Variants in MSI2 observed in about 807,000 individuals in gnomAD.
MSI2 encodes the protein musashi RNA binding protein 2.
MSI2 carries 17 observed loss-of-function variants against 45.6 expected under a neutral mutation model. The observed-to-expected ratio is 0.37, with a 90% CI of 0.26 to 0.56. The LOEUF (loss-of-function observed/expected upper bound fraction) is 0.56. Ranked by LOEUF, MSI2 falls within the 20% of genes least tolerant of loss-of-function variation. MSI2 has a pLI of 0.77. For missense variants in MSI2, 293 were observed against 444.2 expected (o/e 0.66, Z 3.06); for synonymous variants, 156 against 158.2 (o/e 0.99, Z 0.11).
chr17:57,668,550 G>C (rs547530860), intron 11 of MSI2, among the ~76,000 whole-genome samples: 1 of 152,078 alleles, frequency 6.6e-6, no homozygotes, highest in African/African-American at 2.4e-5. Flanking sequence ...TAAGACTGGC[G>C]CCATTGTCAC....
At chr17:57,656,235 C>T (rs1290982046) in intron 11 of MSI2, among the ~76,000 whole-genome samples, 4 of 152,220 alleles carry the variant, frequency 2.6e-5, no homozygotes, top group African/African-American at 9.7e-5. Context: ...TCCCCCAGTC[C>T]AGAACTGGGT....
chr17:57,576,753 T>C (rs1367333458), intron 7 of MSI2, among the ~76,000 whole-genome samples: 1 of 128,716 alleles, frequency 7.8e-6, no homozygotes, highest in Non-Finnish European at 1.6e-5. Flanking sequence ...AATCTGTCTT[T>C]AAAAAAAAAA....
Position 57,464,443 on chromosome 17 carries a change from C to T in MSI2, c.405+62972C>T, listed in dbSNP as rs145673367. Among the ~76,000 whole-genome samples the T allele has an allele frequency of 5.9e-3, 892 of 152,014 alleles. 10 individuals carry two copies. Among genetic ancestry groups the T allele is most frequent in the African/African-American group, 0.021 (851 of 41,472 alleles). ...TGGGCAACGGAGCAAGACCCTATTT[C>T]AAAAAACAAAAAGGAAAAGCAGAGG... On this transcript the variant is annotated intron_variant, in intron 6 of 13. Transcript: ENST00000284073.
intron 6 of MSI2, among the ~76,000 whole-genome samples, chr17:57,471,080 T>A (rs2085426391): frequency 6.6e-6 from 1 of 152,106 alleles, no homozygotes; most frequent in Non-Finnish European, 1.5e-5. Flanking sequence ...GGGGACCCCA[T>A]GTGGCATGTA....
intron 6 of MSI2, among the ~76,000 whole-genome samples, chr17:57,481,909 T>C (rs958207609): frequency 6.6e-6 from 1 of 152,218 alleles, no homozygotes; most frequent in African/African-American, 2.4e-5. Flanking sequence ...GAACTATAAA[T>C]TGCAAGACAG....
intron 5 of MSI2, among the ~76,000 whole-genome samples, chr17:57,400,400 C>A (rs1797497908): frequency 6.6e-6 from 1 of 152,180 alleles, no homozygotes; most frequent in South Asian, 2.1e-4. Context: ...ACTCCTTTGG[C>A]TTTGGAGCTG....
chr17:57,521,391 C>T (rs2086581098), intron 6 of MSI2, among the ~76,000 whole-genome samples: 5 of 150,804 alleles, frequency 3.3e-5, no homozygotes, highest in Admixed American at 2.0e-4. Flanking sequence ...AGTAATAATA[C>T]CTGTGAAAAT....
chr17:57,457,973 T>C (rs1258888206), intron 6 of MSI2, among the ~76,000 whole-genome samples: 1 of 151,982 alleles, frequency 6.6e-6, no homozygotes, highest in Non-Finnish European at 1.5e-5. Context: ...ACTCAATAAA[T>C]TGAAGTCAGA....
At chr17:57,461,601 T>C (rs1598296891) in intron 6 of MSI2, among the ~76,000 whole-genome samples, 1 of 151,290 alleles carries the variant, frequency 6.6e-6, no homozygotes, top group African/African-American at 2.4e-5. Flanking sequence ...AGTGGAGCGA[T>C]CTCAGCTGAC....
At chr17:57,518,912 CT>C (rs922165965) in intron 6 of MSI2, among the ~76,000 whole-genome samples, 3 of 152,254 alleles carry the variant, frequency 2.0e-5, no homozygotes, top group African/African-American at 7.2e-5. Context: ...GATCCAACTG[CT>C]GCTCCTCAAA....
intron 6 of MSI2, among the ~76,000 whole-genome samples, chr17:57,452,823 G>A (rs16958427): frequency 0.018 from 2,775 of 151,996 alleles, 81 homozygotes; most frequent in African/African-American, 0.063. Context: ...CATCACCCTC[G>A]TCTTACAGGT....
At chr17:57,292,671 C>A (rs1910524515) in intron 5 of MSI2, among the ~76,000 whole-genome samples, 1 of 152,164 alleles carries the variant, frequency 6.6e-6, no homozygotes, top group South Asian at 2.1e-4. Flanking sequence ...GGCCTGGAAA[C>A]CTTGGTCTCA....
chr17:57,532,540 A>T (rs2086842769), intron 7 of MSI2, among the ~76,000 whole-genome samples: 1 of 152,242 alleles, frequency 6.6e-6, no homozygotes, highest in East Asian at 1.9e-4. Flanking sequence ...TTTGTTTTTC[A>T]AAAAGAAGAA....
chr17:57,500,819 G>A (rs975939285), intron 6 of MSI2, among the ~76,000 whole-genome samples: 5 of 151,244 alleles, frequency 3.3e-5, no homozygotes, highest in African/African-American at 1.2e-4. Flanking sequence ...AGGATTAGCA[G>A]GGGCATGGTG....
intron 6 of MSI2, among the ~76,000 whole-genome samples, chr17:57,439,559 C>CT (rs758957801): frequency 0.021 from 2,880 of 137,198 alleles, 35 homozygotes; most frequent in Middle Eastern, 0.045. Context: ...TAGGCTTTGT[C>CT]TTTTTTTTTT....
intron 6 of MSI2, among the ~76,000 whole-genome samples, chr17:57,489,021 G>T (rs1598325730): frequency 6.6e-6 from 1 of 152,230 alleles, no homozygotes; most frequent in East Asian, 1.9e-4. Flanking sequence ...CTCAGTCCGT[G>T]CCCAGAGATG....
intron 7 of MSI2, among the ~76,000 whole-genome samples, chr17:57,578,629 A>G (rs557139091): frequency 6.6e-6 from 1 of 152,272 alleles, no homozygotes; most frequent in East Asian, 1.9e-4. Context: ...GCTTCTAGCA[A>G]AACAGGAGTA....
intron 6 of MSI2, among the ~76,000 whole-genome samples, chr17:57,435,173 G>A (rs1177585639): frequency 6.6e-6 from 1 of 152,108 alleles, no homozygotes; most frequent in Admixed American, 6.5e-5. Context: ...GGGGTGGTAA[G>A]GCAAGTCTCT....
Position 57,652,500 on chromosome 17 carries a change from G to T in MSI2, c.790+339G>T, listed in dbSNP as rs1911236354. ...GGTACCTGTGGTCATTTCCCTCCTT[G>T]GCTTTTGCTAATTCAACAGGCTCCC... On this transcript the variant is annotated intron_variant, in intron 11 of 13. Transcript: ENST00000284073. The surrounding 1 kb of genome is among the most constrained non-coding windows in gnomAD (Gnocchi z 4.1). Among the ~76,000 whole-genome samples, 1 of 152,112 alleles carries T rather than the reference G, an allele frequency of 6.6e-6. No homozygotes were observed. Among genetic ancestry groups the T allele is most frequent in the South Asian group, 2.1e-4 (1 of 4,826 alleles).
Sources: gnomAD v4.1 joint callset for allele counts (sites outside exome capture counted in the v4.1 genomes callset) on GRCh38, gnomAD v4.1.1 for gene constraint, Gnocchi (gnomAD v3.1) non-coding constraint, MANE v1.5 for transcripts, NCBI Gene and HGNC (gene_info 2026-07-23, HGNC 2026-07-21) for gene names.